Variants in CNTNAP2 observed in about 807,000 individuals in gnomAD.
CNTNAP2 encodes contactin associated protein 2, also known as contactin-associated protein-like 2.
CNTNAP2 carries 98 observed loss-of-function variants against 155.2 expected under a neutral mutation model. The observed-to-expected ratio is 0.63, with a 90% CI of 0.54 to 0.75. The LOEUF (loss-of-function observed/expected upper bound fraction) is 0.75, where lower values mean the gene tolerates loss of function less well. Ranked by LOEUF, CNTNAP2 falls within the 30% of genes least tolerant of loss-of-function variation. The pLI is 0.00. For missense variants in CNTNAP2, 1,727 were observed against 1,688.1 expected (o/e 1.02, Z -0.40); for synonymous variants, 651 against 631.2 (o/e 1.03, Z -0.47).
At chr7:146,276,236 A>G (rs1245360609) in intron 1 of CNTNAP2, among the ~76,000 whole-genome samples, 1 of 152,198 alleles carries the variant, frequency 6.6e-6, no homozygotes, top group African/African-American at 2.4e-5. Flanking sequence ...CCAGACATTT[A>G]TTTGCTAAAC....
intron 8 of CNTNAP2, among the ~76,000 whole-genome samples, chr7:147,249,603 G>GAAAAAAAA (rs1563133155): frequency 4.1e-5 from 1 of 24,348 alleles, no homozygotes; most frequent in Non-Finnish European, 7.8e-5. Context: ...GACATTGGAG[G>GAAAAAAAA]TAAAAAAAAA....
intron 13 of CNTNAP2, among the ~76,000 whole-genome samples, chr7:147,727,095 A>G (rs1427664491): frequency 2.0e-5 from 3 of 151,946 alleles, no homozygotes; most frequent in South Asian, 2.1e-4. Flanking sequence ...TAGTATACCA[A>G]TTAGACCTCA....
intron 18 of CNTNAP2, chr7:148,190,766 C>A (rs1236574438): frequency 6.6e-6 from 1 of 151,310 alleles, no homozygotes; most frequent in Non-Finnish European, 1.5e-5. Flanking sequence ...CACCGGGCGG[C>A]CACTGGTACA....
intron 3 of CNTNAP2, among the ~76,000 whole-genome samples, chr7:146,912,891 C>T (rs1480607989): frequency 6.6e-6 from 1 of 151,878 alleles, no homozygotes; most frequent in African/African-American, 2.4e-5. Flanking sequence ...TTATTTTGAC[C>T]CACTGCAGTA....
At chr7:146,138,147 T>C (rs1797824805) in intron 1 of CNTNAP2, among the ~76,000 whole-genome samples, 1 of 152,146 alleles carries the variant, frequency 6.6e-6, no homozygotes, top group South Asian at 2.1e-4. Context: ...ACTTTAAGTA[T>C]AAATTGATGA....
chr7:147,040,951 A>G (rs1302708716), intron 3 of CNTNAP2, among the ~76,000 whole-genome samples: 1 of 152,122 alleles, frequency 6.6e-6, no homozygotes, highest in Non-Finnish European at 1.5e-5. Context: ...TTCTTTCAAG[A>G]TGTTAATAAT....
intron 12 of CNTNAP2, among the ~76,000 whole-genome samples, chr7:147,608,441 C>T (rs1425702229): frequency 6.6e-6 from 1 of 151,686 alleles, no homozygotes; most frequent in Non-Finnish European, 1.5e-5. Context: ...GGATCTATAA[C>T]CCCATGAACT....
At chr7:147,319,930 CTT>C (rs746139582) in intron 9 of CNTNAP2, among the ~76,000 whole-genome samples, 3 of 152,134 alleles carry the variant, frequency 2.0e-5, no homozygotes, top group Non-Finnish European at 4.4e-5. Context: ...ATATTTTAAG[CTT>C]TTTGGGCCAT....
intron 21 of CNTNAP2, among the ~76,000 whole-genome samples, chr7:148,342,056 C>T (rs1798246351): frequency 6.6e-6 from 1 of 152,330 alleles, no homozygotes; most frequent in South Asian, 2.1e-4. Context: ...TCTTTAATTT[C>T]TTCTTGTCAG....
At position 148,024,157 on chromosome 7, in the gene CNTNAP2, T is replaced by TAAAA. The variant is rs34591496; in HGVS notation, c.2383+46187_2383+46190dup. Reference sequence around the variant, plus strand: ...CCCATATAGATCAACCTTTAAAGTGTAAAAAAAAAAAAAAAAAAAAAACTT... The same window carrying TAAAA: ...CCCATATAGATCAACCTTTAAAGTGTAAAAAAAAAAAAAAAAAAAAAAAAAACTT... On this transcript the variant is annotated intron_variant, in intron 15 of 23. Transcript: ENST00000361727. 9.7e-3 allele frequency among the ~76,000 whole-genome samples: 1,038 copies of TAAAA among 107,538 alleles called. 23 individuals are homozygous for TAAAA. Among genetic ancestry groups the TAAAA allele is most frequent in the African/African-American group, 0.024 (665 of 27,722 alleles). 70.5% of individuals were successfully genotyped at this position (107,538 alleles called of 152,430 possible).
chr7:146,853,939 A>G (rs897996673), intron 3 of CNTNAP2, among the ~76,000 whole-genome samples: 21 of 152,318 alleles, frequency 1.4e-4, no homozygotes, highest in Middle Eastern at 3.4e-3. Flanking sequence ...TAATATTGAG[A>G]AATACTGCAT....
chr7:146,948,307 A>C (rs1394707836), intron 3 of CNTNAP2, among the ~76,000 whole-genome samples: 1 of 152,218 alleles, frequency 6.6e-6, no homozygotes, highest in East Asian at 1.9e-4. Context: ...AGCCTAAAAT[A>C]AAGACAGAAA....
chr7:146,372,053 A>G (rs936675218), intron 1 of CNTNAP2, among the ~76,000 whole-genome samples: 2 of 152,202 alleles, frequency 1.3e-5, no homozygotes, highest in Admixed American at 6.5e-5. Context: ...GTAATTGTAA[A>G]GAAGACCCTA....
intron 4 of CNTNAP2, among the ~76,000 whole-genome samples, chr7:147,058,388 T>C (rs1799602334): frequency 6.6e-6 from 1 of 152,116 alleles, no homozygotes; most frequent in Non-Finnish European, 1.5e-5. Flanking sequence ...TTCTATAGAG[T>C]ATATTACACT....
chr7:147,045,131 C>G (rs995946350), intron 4 of CNTNAP2, among the ~76,000 whole-genome samples: 1 of 152,084 alleles, frequency 6.6e-6, no homozygotes, highest in Non-Finnish European at 1.5e-5. Context: ...CCAGCTGTTA[C>G]AATTCCCTGG....
intron 3 of CNTNAP2, among the ~76,000 whole-genome samples, chr7:146,970,690 A>G (rs1456401219): frequency 1.3e-5 from 2 of 152,238 alleles, no homozygotes; most frequent in East Asian, 3.9e-4. Flanking sequence ...ATACCATTTG[A>G]CCCAGCCATC....
chr7:146,808,792 A>C (rs771614266), intron 2 of CNTNAP2, among the ~76,000 whole-genome samples: 1 of 152,140 alleles, frequency 6.6e-6, no homozygotes, highest in African/African-American at 2.4e-5. Context: ...AGTGAGATTG[A>C]TTGTACAGTA....
At chr7:147,972,324 A>C (rs956837765) in intron 14 of CNTNAP2, among the ~76,000 whole-genome samples, 1 of 152,208 alleles carries the variant, frequency 6.6e-6, no homozygotes, top group Non-Finnish European at 1.5e-5. Context: ...ACTCTGCTAG[A>C]ATTACTGTAT....
intron 18 of CNTNAP2, among the ~76,000 whole-genome samples, chr7:148,214,929 G>C (rs911475618): frequency 1.3e-5 from 2 of 152,268 alleles, no homozygotes; most frequent in East Asian, 3.9e-4. Context: ...TGCTGTCCTT[G>C]CCCGTGCCCA....
Sources: gnomAD v4.1 joint callset for allele counts (sites outside exome capture counted in the v4.1 genomes callset) on GRCh38, gnomAD v4.1.1 for gene constraint, MANE v1.5 for transcripts, NCBI Gene and HGNC (gene_info 2026-07-23, HGNC 2026-07-21) for gene names.